Variants in GPR107 observed in about 807,000 individuals in gnomAD.
The protein encoded by GPR107 is G protein-coupled receptor 107.
In GPR107, 31 loss-of-function variants were observed where a neutral mutation model predicts 75.5. The observed-to-expected ratio is 0.41, with a 90% CI of 0.31 to 0.55. The LOEUF (loss-of-function observed/expected upper bound fraction) is 0.55, where lower values mean the gene tolerates loss of function less well. Among genes scored for constraint, GPR107 ranks in the 20% least tolerant of loss-of-function variants. The pLI is 0.26. For synonymous variants in GPR107, 267 were observed against 251.3 expected (o/e 1.06, Z -0.59); for missense variants, 572 against 665.7 (o/e 0.86, Z 1.55).
chr9:130,092,307 C>G lies in GPR107; in HGVS notation c.789C>G (p.Pro263=). 1 of 1,608,146 alleles carries G rather than the reference C, an allele frequency of 6.2e-7. No homozygotes were observed. The highest frequency in any genetic ancestry group is 1.7e-5 in the Admixed American group (1 of 60,024). The change falls in exon 9 of 18, where the codon CCC becomes CCG. Residue 263 remains proline (P), a synonymous_variant. Transcript: ENST00000347136. The stretch of plus-strand genomic sequence containing the variant: ...TCTCAGCAGGAGAAATTCCTCTCCC[C>G]AAATTATACATCTCAATGGCCTTTT... ...SYLSAGEIPL[P]KLYISMAFFF...
chr9:130,130,221 T>G (rs1021510344), intron 17 of GPR107, among the ~76,000 whole-genome samples: 2 of 152,184 alleles, frequency 1.3e-5, no homozygotes, highest in Non-Finnish European at 2.9e-5. Flanking sequence ...GCAACAGAAG[T>G]TACCGGTCAA....
intron 15 of GPR107, among the ~76,000 whole-genome samples, chr9:130,126,601 C>T (rs991540045): frequency 3.3e-5 from 5 of 152,104 alleles, no homozygotes; most frequent in African/African-American, 1.2e-4. Context: ...CCACCCACCT[C>T]GGCCTCCCAA....
chr9:130,074,177 A>T (rs1448443324), intron 1 of GPR107, among the ~76,000 whole-genome samples: 1 of 152,180 alleles, frequency 6.6e-6, no homozygotes, highest in African/African-American at 2.4e-5. Flanking sequence ...GGCTGTCAAA[A>T]AGCTATGAAT....
At chr9:130,084,945 AG>A (rs969309551) in intron 6 of GPR107, among the ~76,000 whole-genome samples, 6 of 152,236 alleles carry the variant, frequency 3.9e-5, no homozygotes, top group African/African-American at 9.6e-5. Context: ...AAGACAAGGG[AG>A]GGGAGGAAGA....
intron 9 of GPR107, among the ~76,000 whole-genome samples, chr9:130,098,412 C>G (rs966657789): frequency 6.6e-6 from 1 of 152,152 alleles, no homozygotes; most frequent in Non-Finnish European, 1.5e-5. Context: ...ACTGCTGGCT[C>G]CCAGTCCCCC....
chr9:130,073,071 C>G (rs1014818307), intron 1 of GPR107, among the ~76,000 whole-genome samples: 2 of 152,186 alleles, frequency 1.3e-5, no homozygotes, highest in Admixed American at 1.3e-4. Context: ...CCAGGAAAGC[C>G]CCTTTCTCCT....
At chr9:130,094,416 T>TA (rs902159620) in intron 9 of GPR107, among the ~76,000 whole-genome samples, 5 of 149,718 alleles carry the variant, frequency 3.3e-5, no homozygotes, top group Admixed American at 6.7e-5. Flanking sequence ...TGCACAAAAT[T>TA]AAAAAAAAAA....
At chr9:130,092,022 C>T (rs918725250) in intron 8 of GPR107, among the ~76,000 whole-genome samples, 15 of 151,600 alleles carry the variant, frequency 9.9e-5, no homozygotes, top group African/African-American at 2.9e-4. Context: ...TTAGTAGAGA[C>T]GGGGTTTCAC....
chr9:130,071,035 CTTTTTT>C lies in GPR107; in HGVS notation c.142-4588_142-4583del, dbSNP rs56799662. ...GGCCCAGTCCTAACTTTTTTTTTTT[CTTTTTT>C]TTTTTTTTTTTTGAGACAGAGTCAC... is the stretch of plus-strand genomic sequence containing the variant. On this transcript the variant is annotated intron_variant, in intron 1 of 17. Transcript: ENST00000347136. Among the ~76,000 whole-genome samples the C allele has an allele frequency of 6.1e-5, 6 of 98,194 alleles. No individual in the cohort carries two copies. The South Asian group carries it at 1.1e-3, about 17-fold the overall frequency. 64.4% of individuals were successfully genotyped at this position (98,194 alleles called of 152,430 possible).
chr9:130,090,741 T>A (rs1019212133), intron 7 of GPR107, 135 bp from the exon 8 acceptor site: 6 of 492,204 alleles, frequency 1.2e-5, no homozygotes, highest in Non-Finnish European at 2.1e-5. Context: ...TCATAACTTA[T>A]TTCTAAGGTT....
At position 130,077,891 on chromosome 9, in the gene GPR107, C is replaced by A. The variant is rs756776729; in HGVS notation, c.386+513C>A. Among the ~76,000 whole-genome samples, 154 of 152,290 alleles carry A rather than the reference C, an allele frequency of 1.0e-3. 2 individuals are homozygous for A. The highest frequency in any genetic ancestry group is 5.6e-4 in the Non-Finnish European group (38 of 68,022). On this transcript the variant is annotated intron_variant, in intron 4 of 17. Transcript: ENST00000347136. ...CCTCTTTGAAAATGTTGAGGCCGGG[C>A]ATGGTGGCTCATGCCTGTAATCCCA...
intron 8 of GPR107, 100 bp from the exon 9 acceptor site, chr9:130,092,144 GTACT>G: frequency 4.2e-6 from 4 of 952,400 alleles, no homozygotes; most frequent in Non-Finnish European, 6.6e-6. Context: ...CCAGCCACTG[GTACT>G]TACTTTCTTA....
At chr9:130,130,744 C>G (rs1302127964) in intron 17 of GPR107, among the ~76,000 whole-genome samples, 4 of 152,024 alleles carry the variant, frequency 2.6e-5, no homozygotes, top group African/African-American at 9.7e-5. Flanking sequence ...GTGGCAGGCA[C>G]CTGTAATCCC....
chr9:130,100,709 A>G lies in GPR107; in HGVS notation c.1013+7A>G. ...TGTACTACATAACTCACCTGTAAGTATGCAGGTCCATGTGAAATACACCAT... is the reference window on the plus strand; with the variant it reads ...TGTACTACATAACTCACCTGTAAGTGTGCAGGTCCATGTGAAATACACCAT... On this transcript the variant is annotated splice_region_variant and intron_variant, in intron 11 of 17. Coordinates refer to ENST00000347136, the MANE Select transcript of GPR107 (RefSeq NM_020960.5). 6.3e-7 allele frequency: 1 copy of G among 1,577,250 alleles called. No homozygotes were observed. The highest frequency in any genetic ancestry group is 8.7e-7 in the Non-Finnish European group (1 of 1,146,320).
intron 1 of GPR107, among the ~76,000 whole-genome samples, chr9:130,074,412 T>C (rs1412497465): frequency 6.6e-6 from 1 of 152,160 alleles, no homozygotes; most frequent in East Asian, 1.9e-4. Flanking sequence ...AATTGCAGAC[T>C]TACGGAAGGT....
intron 13 of GPR107, among the ~76,000 whole-genome samples, chr9:130,105,927 T>C (rs534117617): frequency 1.2e-4 from 19 of 152,236 alleles, no homozygotes; most frequent in African/African-American, 4.6e-4. Flanking sequence ...CCCAAAGTGC[T>C]GGGATTATAG....
chr9:130,110,407 A>G (rs4837460), intron 14 of GPR107: 1,503,138 of 1,532,724 alleles, frequency 0.98, 737,419 homozygotes, highest in East Asian at 1. Context: ...GAGCGAATCT[A>G]AGAGCAGGAA....
At chr9:130,058,146 AT>A (rs1564655865) in intron 1 of GPR107, among the ~76,000 whole-genome samples, 1 of 151,670 alleles carries the variant, frequency 6.6e-6, no homozygotes, top group Non-Finnish European at 1.5e-5. Context: ...ATTTTTGTTT[AT>A]TTTTTTAAAG....
intron 17 of GPR107, among the ~76,000 whole-genome samples, chr9:130,134,333 G>A (rs1284600249): frequency 6.6e-6 from 1 of 152,212 alleles, no homozygotes; most frequent in Non-Finnish European, 1.5e-5. Context: ...CTCATGCCCT[G>A]CGAGACCAGC....
Sources: allele counts gnomAD v4.1 joint callset (sites outside exome capture counted in the v4.1 genomes callset), GRCh38; gene constraint gnomAD v4.1.1; transcripts MANE v1.5; gene names NCBI Gene and HGNC (gene_info 2026-07-23, HGNC 2026-07-21).